PLEKHA5: variants seen among roughly 807,000 people sequenced by gnomAD.
PLEKHA5 encodes pleckstrin homology domain containing A5, also known as pleckstrin homology domain-containing family A member 5.
A neutral mutation model predicts 181.9 loss-of-function variants in PLEKHA5; 55 were observed. The observed-to-expected ratio is 0.30, with a 90% CI of 0.24 to 0.38. The LOEUF (loss-of-function observed/expected upper bound fraction) is 0.38. Among genes scored for constraint, PLEKHA5 ranks in the 10% least tolerant of loss-of-function variants. The pLI, the probability that PLEKHA5 is intolerant of heterozygous loss-of-function variation, is 1.00. For synonymous variants in PLEKHA5, 535 were observed against 529.4 expected, an observed-to-expected ratio of 1.01 and a Z score of -0.15; for missense variants, 1,432 against 1,549.5, an observed-to-expected ratio of 0.92 and a Z score of 1.27.
chr12:19,200,618 G>A, intron 3 of PLEKHA5: 1 of 1,126,488 alleles, frequency 8.9e-7, no homozygotes, highest in Non-Finnish European at 1.1e-6. Flanking sequence ...AACTTCATTA[G>A]CTTTTTCTTC....
At chr12:19,234,435 T>C (rs1419656325) in intron 3 of PLEKHA5, among the ~76,000 whole-genome samples, 1 of 152,174 alleles carries the variant, frequency 6.6e-6, no homozygotes, top group Non-Finnish European at 1.5e-5. Context: ...GGTGGCTGTA[T>C]TAAAGGGCCT....
chr12:19,179,392 C>G (rs186767115), intron 3 of PLEKHA5, among the ~76,000 whole-genome samples: 1 of 152,210 alleles, frequency 6.6e-6, no homozygotes, highest in African/African-American at 2.4e-5. Flanking sequence ...CGTGGTGGCT[C>G]ACACCTGTAA....
intron 6 of PLEKHA5, among the ~76,000 whole-genome samples, chr12:19,259,290 C>T (rs1340878588): frequency 6.6e-6 from 1 of 151,994 alleles, no homozygotes; most frequent in African/African-American, 2.4e-5. Flanking sequence ...ATCACTTGAG[C>T]CCAGGATTTG....
At chr12:19,153,519 A>C (rs943864777) in intron 3 of PLEKHA5, 2 of 152,112 alleles carry the variant, frequency 1.3e-5, no homozygotes, top group Admixed American at 1.3e-4. Context: ...ACGCGTACAC[A>C]CACACAAACC....
At chr12:19,147,598 T>C (rs201700072) in intron 3 of PLEKHA5, among the ~76,000 whole-genome samples, 5,370 of 20,368 alleles carry the variant, frequency 0.26, 231 homozygotes, top group South Asian at 0.42. Context: ...TCTTTTTTCT[T>C]TTTTTTTTTT....
chr12:19,230,292 G>A (rs1480070615), intron 3 of PLEKHA5, among the ~76,000 whole-genome samples: 1 of 152,218 alleles, frequency 6.6e-6, no homozygotes, highest in African/African-American at 2.4e-5. Flanking sequence ...GAGCCCAGCT[G>A]GCTTCACCTA....
At chr12:19,137,472 T>C (rs16915108) in intron 3 of PLEKHA5, among the ~76,000 whole-genome samples, 9,548 of 152,318 alleles carry the variant, frequency 0.063, 367 homozygotes, top group South Asian at 0.11. Context: ...ATTCCTTACA[T>C]TGATAAAGCA....
intron 10 of PLEKHA5, among the ~76,000 whole-genome samples, chr12:19,273,617 T>TTCA (rs1459870483): frequency 2.0e-5 from 3 of 152,112 alleles, no homozygotes; most frequent in Non-Finnish European, 4.4e-5. Flanking sequence ...GCTTGATCTT[T>TTCA]TCAGAGTCTG....
intron 8 of PLEKHA5, among the ~76,000 whole-genome samples, chr12:19,269,238 T>C (rs1332297341): frequency 1.3e-5 from 2 of 151,850 alleles, no homozygotes; most frequent in Non-Finnish European, 2.9e-5. Flanking sequence ...AATACAAAAA[T>C]TAGTTGGGCA....
Position 19,130,066 on chromosome 12 carries a change from C to G in PLEKHA5, c.105C>G (p.Ser35Arg). Residue 35 changes from serine to arginine, a missense_variant, in exon 2 of 32, where the codon AGC becomes AGG. Transcript: ENST00000429027. The surrounding 1 kb of genome is among the most constrained non-coding windows in gnomAD (Gnocchi z 4.5). ...RVFFINEEAK[S>R]TTWLHPVTGE... is the part of the protein sequence containing the mutation. ...ACCCCTGCAGCGAGGAGGCCAAGAG[C>G]ACCACCTGGCTGCACCCCGTCACCG... The G allele has an allele frequency of 6.3e-7, 1 of 1,590,602 alleles. No individual in the cohort carries two copies. The highest frequency in any genetic ancestry group is 8.5e-7 in the Non-Finnish European group (1 of 1,169,816).
intron 15 of PLEKHA5, among the ~76,000 whole-genome samples, chr12:19,305,884 A>AAAAAAC (rs57683694): frequency 6.8e-6 from 1 of 147,538 alleles, no homozygotes; most frequent in Non-Finnish European, 1.5e-5. Flanking sequence ...AAAAAAAAAA[A>AAAAAAC]CAACTATGAA....
intron 15 of PLEKHA5, among the ~76,000 whole-genome samples, chr12:19,308,116 A>C (rs2084811296): frequency 6.6e-6 from 1 of 152,142 alleles, no homozygotes; most frequent in Non-Finnish European, 1.5e-5. Context: ...AAGAGAAGAA[A>C]GCAATAGAAG....
At chr12:19,208,541 T>TC (rs759101193) in intron 3 of PLEKHA5, among the ~76,000 whole-genome samples, 43 of 152,238 alleles carry the variant, frequency 2.8e-4, no homozygotes, top group Non-Finnish European at 5.3e-4. Flanking sequence ...GGGGACTTTT[T>TC]CTTAAATTGT....
At chr12:19,300,786 A>C (rs978216074) in intron 15 of PLEKHA5, among the ~76,000 whole-genome samples, 2 of 152,132 alleles carry the variant, frequency 1.3e-5, no homozygotes, top group African/African-American at 4.8e-5. Flanking sequence ...TTGTAAGAAC[A>C]CAGTTAACCA....
chr12:19,157,985 C>G (rs761041508), intron 3 of PLEKHA5, among the ~76,000 whole-genome samples: 1 of 152,080 alleles, frequency 6.6e-6, no homozygotes, highest in African/African-American at 2.4e-5. Flanking sequence ...TAAAAAACCT[C>G]TACTCATGTC....
intron 30 of PLEKHA5, among the ~76,000 whole-genome samples, chr12:19,368,580 G>T (rs1785041183): frequency 1.3e-5 from 2 of 152,136 alleles, no homozygotes; most frequent in Non-Finnish European, 2.9e-5. Context: ...ATCACCTGAG[G>T]TTTGGAGTTC....
chr12:19,255,198 A>C, intron 5 of PLEKHA5, 33 bp downstream of exon 5: 1 of 1,488,704 alleles, frequency 6.7e-7, no homozygotes, highest in Non-Finnish European at 9.2e-7. Context: ...AATTATTGAT[A>C]AGGAGTAAAC....
intron 11 of PLEKHA5, among the ~76,000 whole-genome samples, chr12:19,278,050 T>C (rs2075082629): frequency 6.6e-6 from 1 of 152,194 alleles, no homozygotes; most frequent in African/African-American, 2.4e-5. Context: ...TGAATTTCTT[T>C]GGGGAAAAAA....
intron 3 of PLEKHA5, among the ~76,000 whole-genome samples, chr12:19,137,318 C>A (rs572808035): frequency 6.6e-6 from 1 of 152,092 alleles, no homozygotes; most frequent in Admixed American, 6.6e-5. Flanking sequence ...ATTACCACCA[C>A]CCCTGGCCAA....
Sources: allele counts gnomAD v4.1 joint callset (sites outside exome capture counted in the v4.1 genomes callset), GRCh38; gene constraint gnomAD v4.1.1; non-coding constraint Gnocchi (gnomAD v3.1); transcripts MANE v1.5; gene names NCBI Gene and HGNC (gene_info 2026-07-23, HGNC 2026-07-21).